Variants in SLC16A12 observed in about 807,000 individuals in gnomAD.
SLC16A12 encodes solute carrier family 16 member 12, also known as monocarboxylate transporter 12.
A neutral mutation model predicts 42.4 loss-of-function variants in SLC16A12; 17 were observed. The ratio of observed to expected loss-of-function variants is 0.40; its 90% CI spans 0.27 to 0.60. The LOEUF is 0.60. Ranked by LOEUF, SLC16A12 falls within the 20% of genes least tolerant of loss-of-function variation. The probability of loss-of-function intolerance (pLI) is 0.42; values close to 1 mark genes in which losing one functional copy is unlikely to be tolerated. For synonymous variants in SLC16A12, 224 were observed against 229.4 expected, an observed-to-expected ratio of 0.98 and a Z score of 0.21; for missense variants, 544 against 623.0, an observed-to-expected ratio of 0.87 and a Z score of 1.35.
At chr10:89,440,976 A>T in intron 5 of SLC16A12, 132 bp downstream of exon 5, 1 of 1,060,782 alleles carries the variant, frequency 9.4e-7, no homozygotes, top group Non-Finnish European at 1.4e-6. Flanking sequence ...ACTGCTAGGT[A>T]GGTAGACATA....
upstream of SLC16A12, among the ~76,000 whole-genome samples, chr10:89,536,753 G>A (rs1288918718): frequency 1.3e-5 from 2 of 152,090 alleles, no homozygotes; most frequent in Non-Finnish European, 2.9e-5. Flanking sequence ...GCCCAACCGC[G>A]GATCAGAATC....
intron 2 of SLC16A12, among the ~76,000 whole-genome samples, chr10:89,524,016 C>G (rs1843406397): frequency 6.6e-6 from 1 of 152,190 alleles, no homozygotes; most frequent in East Asian, 1.9e-4. Flanking sequence ...GAAAAGACAT[C>G]CAGACAAGTG....
intron 2 of SLC16A12, among the ~76,000 whole-genome samples, chr10:89,504,842 G>C (rs749608728): frequency 6.6e-6 from 1 of 152,154 alleles, no homozygotes; most frequent in Non-Finnish European, 1.5e-5. Flanking sequence ...ACAAGCCCTG[G>C]TTCTCTGGTT....
chr10:89,541,438 A>T (rs28398170), intron 2 of SLC16A12, among the ~76,000 whole-genome samples: 41 of 152,142 alleles, frequency 2.7e-4, no homozygotes, highest in Non-Finnish European at 4.6e-4. Flanking sequence ...CTACAAAAAA[A>T]TTTTAAAAAT....
Position 89,438,806 on chromosome 10 carries a change from T to G in SLC16A12, c.826A>C (p.Ser276Arg). The G allele has an allele frequency of 6.2e-7, 1 of 1,614,156 alleles. No homozygotes were observed. Residue 276 changes from serine (S) to arginine (R), a missense_variant, in exon 6 of 8, where the codon AGT becomes CGT. Coordinates refer to ENST00000371790, the MANE Select transcript of SLC16A12 (RefSeq NM_213606.4). ...CLCCCLQQEY[S>R]FLLMSDFVVL... Reference sequence around the variant, plus strand: ...ACAAAGTCTGACATGAGTAAAAAACTGTACTCTTGCTGCAAACAGCAACAG... The same window carrying G: ...ACAAAGTCTGACATGAGTAAAAAACGGTACTCTTGCTGCAAACAGCAACAG...
At chr10:89,512,782 T>C (rs1843184713) in intron 2 of SLC16A12, among the ~76,000 whole-genome samples, 1 of 152,238 alleles carries the variant, frequency 6.6e-6, no homozygotes, top group African/African-American at 2.4e-5. Context: ...TGAGCCATTC[T>C]AGCAAAAGAT....
At chr10:89,551,989 G>A (rs745457477) in intron 2 of SLC16A12, among the ~76,000 whole-genome samples, 10 of 152,220 alleles carry the variant, frequency 6.6e-5, no homozygotes, top group South Asian at 2.1e-4. Context: ...AGGCTGGAGC[G>A]CAGTGGTGTG....
chr10:89,495,092 T>A (rs1842904749), intron 2 of SLC16A12, among the ~76,000 whole-genome samples: 1 of 152,180 alleles, frequency 6.6e-6, no homozygotes, highest in Admixed American at 6.5e-5. Context: ...CTCATGCCCC[T>A]GTAATCCCAG....
intron 2 of SLC16A12, among the ~76,000 whole-genome samples, chr10:89,486,136 A>G (rs945672788): frequency 4.6e-5 from 7 of 152,118 alleles, no homozygotes; most frequent in African/African-American, 1.7e-4. Flanking sequence ...TAAGCTCCTC[A>G]GTTCTCTATT....
At chr10:89,444,514 CT>C (rs1841966231) in intron 3 of SLC16A12, among the ~76,000 whole-genome samples, 1 of 152,040 alleles carries the variant, frequency 6.6e-6, no homozygotes, top group Non-Finnish European at 1.5e-5. Context: ...TGATGTTGAT[CT>C]GTATATATTG....
chr10:89,474,891 A>G (rs185991556), intron 2 of SLC16A12, among the ~76,000 whole-genome samples: 2 of 152,328 alleles, frequency 1.3e-5, no homozygotes, highest in East Asian at 3.9e-4. Flanking sequence ...ATTCTACCTC[A>G]GGTCTGATTT....
intron 2 of SLC16A12, among the ~76,000 whole-genome samples, chr10:89,471,603 A>G (rs1373969080): frequency 6.6e-6 from 1 of 152,190 alleles, no homozygotes; most frequent in Non-Finnish European, 1.5e-5. Flanking sequence ...ATGAGTGTAC[A>G]AGTCTTTTTG....
chr10:89,484,282 G>A (rs549643289), intron 2 of SLC16A12, among the ~76,000 whole-genome samples: 77 of 152,206 alleles, frequency 5.1e-4, no homozygotes, highest in African/African-American at 1.8e-3. Flanking sequence ...CCTAAACTAC[G>A]TATATATCTC....
intron 2 of SLC16A12, among the ~76,000 whole-genome samples, chr10:89,482,940 C>T (rs303196): frequency 0.23 from 35,176 of 152,130 alleles, 4,814 homozygotes; most frequent in Non-Finnish European, 0.32. Flanking sequence ...CCAGGTGTGA[C>T]ATGAATCTGT....
chr10:89,548,751 G>A (rs537430481), intron 2 of SLC16A12, among the ~76,000 whole-genome samples: 3 of 152,316 alleles, frequency 2.0e-5, no homozygotes, highest in South Asian at 4.1e-4. Flanking sequence ...GGGAGGCAGA[G>A]GTTGCAATGA....
chr10:89,449,806 T>C (rs1286258402), intron 3 of SLC16A12, among the ~76,000 whole-genome samples: 1 of 152,116 alleles, frequency 6.6e-6, no homozygotes, highest in Non-Finnish European at 1.5e-5. Context: ...GAAACTACCA[T>C]CAGAGTGAAC....
intron 2 of SLC16A12, among the ~76,000 whole-genome samples, chr10:89,509,180 G>A (rs1349619079): frequency 6.6e-6 from 1 of 152,130 alleles, no homozygotes. Flanking sequence ...AGAGGAGCTG[G>A]TACCATTCCT....
At chr10:89,465,882 C>T (rs1388763362) in intron 2 of SLC16A12, among the ~76,000 whole-genome samples, 1 of 152,142 alleles carries the variant, frequency 6.6e-6, no homozygotes, top group Admixed American at 6.6e-5. Context: ...GGAGAGAAGT[C>T]CTCTGGGAAA....
chr10:89,554,663 T>A (rs1436322441), intron 2 of SLC16A12, among the ~76,000 whole-genome samples: 1 of 152,148 alleles, frequency 6.6e-6, no homozygotes, highest in Non-Finnish European at 1.5e-5. Context: ...TATGTGTGTG[T>A]TGTGGGGAAA....
Sources: gnomAD v4.1 joint callset for allele counts (sites outside exome capture counted in the v4.1 genomes callset) on GRCh38, gnomAD v4.1.1 for gene constraint, MANE v1.5 for transcripts, NCBI Gene and HGNC (gene_info 2026-07-23, HGNC 2026-07-21) for gene names.